The following MAP2K4 variants were observed in gnomAD, a reference collection of about 807,000 sequenced individuals.
MAP2K4 encodes dual specificity mitogen-activated protein kinase kinase 4.
A neutral mutation model predicts 48.5 loss-of-function variants in MAP2K4; 4 were observed. The ratio of observed to expected loss-of-function variants is 0.08; its 90% confidence interval spans 0.04 to 0.19. The LOEUF is 0.19. Ranked by LOEUF, MAP2K4 falls within the 10% of genes least tolerant of loss-of-function variation. The pLI, the probability that MAP2K4 is intolerant of heterozygous loss-of-function variation, is 1.00. For missense variants in MAP2K4, 258 were observed against 493.3 expected (o/e 0.52, Z 4.52); for synonymous variants, 166 against 173.1 (o/e 0.96, Z 0.32).
chr17:12,126,914 G>A (rs1416715784), intron 8 of MAP2K4, among the ~76,000 whole-genome samples: 1 of 152,118 alleles, frequency 6.6e-6, no homozygotes. Context: ...AGGTAGGCAG[G>A]CCAATCCTCT....
At chr17:12,094,900 C>CAGA (rs1322315384) in intron 3 of MAP2K4, among the ~76,000 whole-genome samples, 1 of 152,170 alleles carries the variant, frequency 6.6e-6, no homozygotes, top group Non-Finnish European at 1.5e-5. Flanking sequence ...TTTTCTTCCA[C>CAGA]AGGTTTATGC....
intron 2 of MAP2K4, among the ~76,000 whole-genome samples, chr17:12,074,955 AGTT>A (rs1970950240): frequency 6.6e-6 from 1 of 151,842 alleles, no homozygotes; most frequent in Non-Finnish European, 1.5e-5. Context: ...TGTTTTTTTC[AGTT>A]GTTTTAGGTA....
intron 3 of MAP2K4, among the ~76,000 whole-genome samples, chr17:12,085,267 A>G (rs1448967835): frequency 6.6e-6 from 1 of 152,142 alleles, no homozygotes; most frequent in African/African-American, 2.4e-5. Flanking sequence ...TGGAATCTGA[A>G]TTGTTGTGTG....
rs1213129161 is a variant in MAP2K4, at chr17:12,054,950, T to G, written c.177T>G (p.Phe59Leu). The change falls in exon 2 of 11, where the codon TTT becomes TTG. Residue 59 changes from phenylalanine to leucine, a missense_variant. By Grantham distance (22) the Phe-to-Leu change is conservative (BLOSUM62 0). Coordinates refer to ENST00000353533, the MANE Select transcript of MAP2K4 (RefSeq NM_003010.4). Reference sequence around the variant, plus strand: ...CACCTTTCAAATCTACAGCAAGGTTTACTCTGAATCCCAATCCTACAGGAG... The same window carrying G: ...CACCTTTCAAATCTACAGCAAGGTTGACTCTGAATCCCAATCCTACAGGAG... ...ANPPFKSTARFTLNPNPTGVQ... is the reference protein window; with the variant it reads ...ANPPFKSTARLTLNPNPTGVQ... The G allele has an allele frequency of 6.2e-7, 1 of 1,612,514 alleles. No homozygotes were observed. The highest frequency in any genetic ancestry group is 1.7e-5 in the Admixed American group (1 of 59,954).
In MAP2K4 at chr17:12,020,924, G is replaced by C. The variant is rs1969008663; in HGVS notation, c.38G>C (p.Gly13Ala). 7 of 1,217,540 alleles carry C rather than the reference G, an allele frequency of 5.7e-6. No individual in the cohort carries two copies. The highest frequency in any genetic ancestry group is 7.2e-6 in the Non-Finnish European group (7 of 978,924). The allele number at this position is 1,217,540 out of a possible 1,614,324, so 75.4% of individuals were successfully genotyped here. ...APSPSGGGGSGGGSGSGTPGP... is the reference protein window; with the variant it reads ...APSPSGGGGSAGGSGSGTPGP... ...AGCCCGAGCGGCGGCGGCGGCTCCGGGGGCGGCAGCGGCAGCGGCACCCCC... is the reference window on the plus strand; with the variant it reads ...AGCCCGAGCGGCGGCGGCGGCTCCGCGGGCGGCAGCGGCAGCGGCACCCCC... Residue 13 changes from glycine (G) to alanine (A), a missense_variant, in exon 1 of 11, where the codon GGG (glycine) becomes GCG (alanine). Physicochemically the swap from Gly to Ala is moderately conservative, Grantham distance 60. Coordinates refer to ENST00000353533, the MANE Select transcript of MAP2K4 (RefSeq NM_003010.4).
intron 1 of MAP2K4, among the ~76,000 whole-genome samples, chr17:12,041,487 T>A (rs1969780175): frequency 6.6e-6 from 1 of 152,232 alleles, no homozygotes; most frequent in Admixed American, 6.5e-5. Context: ...CGCCACGTCT[T>A]ATGACTCATG....
intron 2 of MAP2K4, among the ~76,000 whole-genome samples, chr17:12,062,595 C>G (rs1970485356): frequency 1.3e-5 from 2 of 152,320 alleles, no homozygotes; most frequent in South Asian, 2.1e-4. Flanking sequence ...TCCCAGAGTG[C>G]TGGAATTACA....
chr17:12,098,051 A>G (rs1307754769), intron 4 of MAP2K4, among the ~76,000 whole-genome samples: 1 of 152,244 alleles, frequency 6.6e-6, no homozygotes. Context: ...TTACAATAGT[A>G]TGTTTTACAA....
intron 1 of MAP2K4, among the ~76,000 whole-genome samples, chr17:12,050,396 A>G (rs1328724924): frequency 1.3e-5 from 2 of 152,202 alleles, no homozygotes; most frequent in Non-Finnish European, 2.9e-5. Flanking sequence ...TTTTGATGGA[A>G]ACAGACTTGA....
At chr17:12,063,902 G>A (rs1970527680) in intron 2 of MAP2K4, among the ~76,000 whole-genome samples, 1 of 148,618 alleles carries the variant, frequency 6.7e-6, no homozygotes, top group African/African-American at 2.5e-5. Flanking sequence ...AATCTGGAAG[G>A]CGGAGGTTGC....
chr17:12,107,861 A>G lies in MAP2K4; in HGVS notation c.585A>G (p.Val195=). The change falls in exon 5 of 11, where the codon GTA becomes GTG. Residue 195 remains valine (V), a synonymous_variant. Transcript: ENST00000353533. ...AGTTTTACAAATATGTATATAGTGT[A>G]TTAGATGATGTTATTCCAGAAGAAA... is the stretch of plus-strand genomic sequence containing the variant. The part of the protein sequence containing the change: ...FDKFYKYVYS[V]LDDVIPEEIL... 3 of 1,604,234 alleles carry G rather than the reference A, an allele frequency of 1.9e-6. No individual in the cohort carries two copies. Among genetic ancestry groups the G allele is most frequent in the East Asian group, 2.3e-5 (1 of 44,406 alleles).
rs149725869 is a variant in MAP2K4 at position 12,029,419 on chromosome 17, A to C, written c.115+8418A>C. Reference sequence around the variant, plus strand: ...GGCCAGGAAAAATGAAAAAGACTCAAATTTACCCCTACTTGTAATGGGGAA... The same window carrying C: ...GGCCAGGAAAAATGAAAAAGACTCACATTTACCCCTACTTGTAATGGGGAA... On this transcript the variant is annotated intron_variant, in intron 1 of 10. Transcript: ENST00000353533. 2.5e-3 allele frequency among the ~76,000 whole-genome samples: 382 copies of C among 152,308 alleles called. 2 individuals carry two copies. The highest frequency in any genetic ancestry group is 9.0e-3 in the African/African-American group (372 of 41,544).
intron 3 of MAP2K4, among the ~76,000 whole-genome samples, chr17:12,094,051 T>C (rs1567656572): frequency 6.6e-6 from 1 of 152,184 alleles, no homozygotes; most frequent in Non-Finnish European, 1.5e-5. Flanking sequence ...ATGAAAATAA[T>C]CAAAATGAGA....
At chr17:12,133,476 A>G (rs1030960824) in intron 9 of MAP2K4, among the ~76,000 whole-genome samples, 2 of 152,292 alleles carry the variant, frequency 1.3e-5, no homozygotes, top group South Asian at 4.1e-4. Flanking sequence ...CTCCTTCTGC[A>G]TTCCTCAGAT....
At chr17:12,102,602 A>T (rs1362864140) in intron 4 of MAP2K4, among the ~76,000 whole-genome samples, 1 of 151,924 alleles carries the variant, frequency 6.6e-6, no homozygotes, top group Non-Finnish European at 1.5e-5. Context: ...AATTGGTATT[A>T]TTTTTTCTGT....
chr17:12,074,796 C>T (rs146526233), intron 2 of MAP2K4, among the ~76,000 whole-genome samples: 118 of 152,306 alleles, frequency 7.7e-4, no homozygotes, highest in African/African-American at 2.7e-3. Flanking sequence ...CCTGGATCCC[C>T]GCTCCCTGTA....
At chr17:12,033,502 A>G (rs1817062225) in intron 1 of MAP2K4, among the ~76,000 whole-genome samples, 1 of 152,210 alleles carries the variant, frequency 6.6e-6, no homozygotes, top group Admixed American at 6.5e-5. Flanking sequence ...TATAAATAAT[A>G]GAGATCAAGC....
chr17:12,061,272 G>T (rs943390986), intron 2 of MAP2K4, among the ~76,000 whole-genome samples: 2 of 152,166 alleles, frequency 1.3e-5, no homozygotes, highest in Non-Finnish European at 2.9e-5. Flanking sequence ...AGTAAATAAT[G>T]ATGCTGTGTT....
At chr17:12,034,279 T>G (rs1184430145) in intron 1 of MAP2K4, among the ~76,000 whole-genome samples, 1 of 152,216 alleles carries the variant, frequency 6.6e-6, no homozygotes, top group African/African-American at 2.4e-5. Flanking sequence ...ATTATAGAAA[T>G]GATAGGTTTG....
Sources: allele counts gnomAD v4.1 joint callset (sites outside exome capture counted in the v4.1 genomes callset), GRCh38; gene constraint gnomAD v4.1.1; transcripts MANE v1.5; gene names NCBI Gene and HGNC (gene_info 2026-07-23, HGNC 2026-07-21).